The following NEMF variants were observed in gnomAD, a reference collection of about 807,000 sequenced individuals.
The protein encoded by NEMF is ribosome quality control complex subunit NEMF.
In NEMF, 89 loss-of-function variants were observed where a neutral mutation model predicts 162.2. The observed-to-expected ratio is 0.55, with a 90% CI of 0.46 to 0.65. The LOEUF (loss-of-function observed/expected upper bound fraction) is 0.65, where lower values mean the gene tolerates loss of function less well. Among genes scored for constraint, NEMF ranks in the 30% least tolerant of loss-of-function variants. The probability of loss-of-function intolerance (pLI) is 0.00; values close to 1 mark genes in which losing one functional copy is unlikely to be tolerated. For synonymous variants in NEMF, 421 were observed against 404.5 expected (o/e 1.04, Z -0.49); for missense variants, 1,133 against 1,261.9 (o/e 0.90, Z 1.55).
intron 25 of NEMF, among the ~76,000 whole-genome samples, chr14:49,799,089 G>C (rs1890826032): frequency 6.7e-6 from 1 of 150,372 alleles, no homozygotes; most frequent in Non-Finnish European, 1.5e-5. Context: ...CACGCCTGTA[G>C]TCCCAGCTAC....
chr14:49,789,613 CA>C, intron 26 of NEMF, 40 bp from the exon 27 acceptor site: 3 of 1,583,802 alleles, frequency 1.9e-6, no homozygotes, highest in Admixed American at 2.0e-5. Flanking sequence ...TATTCAGCAG[CA>C]AAAAAATGTC....
intron 26 of NEMF, among the ~76,000 whole-genome samples, chr14:49,790,782 G>C: frequency 6.6e-6 from 1 of 152,122 alleles, no homozygotes; most frequent in Non-Finnish European, 1.5e-5. Flanking sequence ...CTGAGGTCAG[G>C]AGTTCAAGAC....
chr14:49,796,359 A>C (rs1350969733), intron 25 of NEMF: 6 of 451,404 alleles, frequency 1.3e-5, no homozygotes, highest in African/African-American at 6.0e-5. Context: ...CAGGTTAAGA[A>C]GGAAGGGTAA....
chr14:49,788,043 C>T (rs771971910), intron 28 of NEMF, among the ~76,000 whole-genome samples: 1 of 152,114 alleles, frequency 6.6e-6, no homozygotes, highest in Non-Finnish European at 1.5e-5. Context: ...CTTTGGGAGG[C>T]CAAGGCAGGC....
intron 5 of NEMF, among the ~76,000 whole-genome samples, chr14:49,838,609 G>A (rs1353773881): frequency 1.4e-5 from 2 of 146,438 alleles, no homozygotes; most frequent in Non-Finnish European, 3.0e-5. Context: ...TTTTGAGACG[G>A]CATCTTGCTC....
At chr14:49,810,083 A>C (rs1891401499) in intron 18 of NEMF, among the ~76,000 whole-genome samples, 1 of 151,682 alleles carries the variant, frequency 6.6e-6, no homozygotes, top group African/African-American at 2.4e-5. Flanking sequence ...TATTTAAAAA[A>C]AGAGGCCGGG....
intron 4 of NEMF, among the ~76,000 whole-genome samples, chr14:49,843,828 G>A (rs553063891): frequency 6.6e-6 from 1 of 152,368 alleles, no homozygotes; most frequent in Admixed American, 6.5e-5. Flanking sequence ...GCCGGGCGCA[G>A]TGGCTCATGC....
chr14:49,808,668 G>A (rs1331930060), intron 18 of NEMF, among the ~76,000 whole-genome samples: 3 of 150,580 alleles, frequency 2.0e-5, no homozygotes, highest in Admixed American at 6.7e-5. Flanking sequence ...TTTTATAAAT[G>A]GTGTGATTAA....
intron 15 of NEMF, among the ~76,000 whole-genome samples, chr14:49,826,563 C>T (rs1040168076): frequency 1.2e-4 from 17 of 146,448 alleles, no homozygotes; most frequent in African/African-American, 3.8e-4. Flanking sequence ...AAAAAAAAGA[C>T]CAGCAAGTAC....
chr14:49,814,538 G>A (rs1891634339), intron 17 of NEMF, among the ~76,000 whole-genome samples: 1 of 151,820 alleles, frequency 6.6e-6, no homozygotes, highest in Non-Finnish European at 1.5e-5. Flanking sequence ...GTCCAACACT[G>A]CAGATTAGCT....
At chr14:49,831,417 T>G in intron 10 of NEMF, 56 bp from the exon 11 acceptor site, 5 of 985,254 alleles carry the variant, frequency 5.1e-6, no homozygotes, top group South Asian at 4.1e-5. Flanking sequence ...CTACTTCAAC[T>G]TGCATACACA....
At position 49,800,530 on chromosome 14, in the gene NEMF, A is replaced by C; in HGVS notation, c.2262T>G (p.Tyr754Ter). The C allele has an allele frequency of 6.2e-7, 1 of 1,613,888 alleles. No homozygotes were observed. Among genetic ancestry groups the C allele is most frequent in the Non-Finnish European group, 8.5e-7 (1 of 1,179,920 alleles). ...QEESSEDEGE[Y>*]EEVRKDQDSV... ...AATCCTGATCTTTTCTAACCTCTTC[A>C]TATTCTCCTTCGTCTTCAGAGCTTT... Residue 754 changes from tyrosine to a stop codon, truncating the protein, a stop_gained, in exon 23 of 33, where the codon TAT becomes TAG. Transcript: ENST00000298310. LOFTEE classifies it high-confidence loss of function.
intron 3 of NEMF, among the ~76,000 whole-genome samples, chr14:49,851,168 C>T (rs1768514365): frequency 6.6e-6 from 1 of 152,186 alleles, no homozygotes; most frequent in South Asian, 2.1e-4. Flanking sequence ...TGTGCCACTG[C>T]ACTCCAGCCT....
chr14:49,819,035 A>C (rs1891860815), intron 16 of NEMF, among the ~76,000 whole-genome samples: 1 of 152,148 alleles, frequency 6.6e-6, no homozygotes, highest in South Asian at 2.1e-4. Flanking sequence ...GATGGAGACA[A>C]AAGCAACATT....
At chr14:49,841,196 CAAAAAAAAAAA>C (rs34039009) in intron 4 of NEMF, among the ~76,000 whole-genome samples, 1 of 56,800 alleles carries the variant, frequency 1.8e-5, no homozygotes, top group Non-Finnish European at 3.1e-5. Context: ...AACTCTGTCT[CAAAAAAAAAAA>C]AAAAAAAAAA....
intron 18 of NEMF, among the ~76,000 whole-genome samples, chr14:49,808,712 C>A (rs1190314613): frequency 6.6e-6 from 1 of 150,718 alleles, no homozygotes; most frequent in Non-Finnish European, 1.5e-5. Context: ...ATGTGGATAT[C>A]TAGTAGTGCC....
At chr14:49,788,854 GC>G (rs1242362180) in intron 28 of NEMF, among the ~76,000 whole-genome samples, 1 of 152,090 alleles carries the variant, frequency 6.6e-6, no homozygotes, top group African/African-American at 2.4e-5. Context: ...ACCGTGCCAG[GC>G]CTCTCTGTCT....
chr14:49,845,976 G>T, intron 4 of NEMF, 164 bp downstream of exon 4: 5 of 575,280 alleles, frequency 8.7e-6, no homozygotes, highest in Non-Finnish European at 1.2e-5. Flanking sequence ...TAAAATGAAG[G>T]TTATTACTGG....
intron 16 of NEMF, among the ~76,000 whole-genome samples, chr14:49,819,733 A>C (rs931751486): frequency 6.6e-6 from 1 of 151,942 alleles, no homozygotes; most frequent in African/African-American, 2.4e-5. Flanking sequence ...TCTTTATAGA[A>C]ACATTGTGAA....
Sources: gnomAD v4.1 joint callset for allele counts (sites outside exome capture counted in the v4.1 genomes callset) on GRCh38, gnomAD v4.1.1 for gene constraint, MANE v1.5 for transcripts, NCBI Gene and HGNC (gene_info 2026-07-23, HGNC 2026-07-21) for gene names.